Variants in TBC1D9 observed in about 807,000 individuals in gnomAD.
TBC1D9 encodes the protein TBC1 domain family member 9.
In TBC1D9, 63 loss-of-function variants were observed where a neutral mutation model predicts 132.0. The ratio of observed to expected loss-of-function variants is 0.48; its 90% CI spans 0.39 to 0.59. TBC1D9 has a LOEUF of 0.59. TBC1D9 is among the 20% of genes least tolerant of loss of function. TBC1D9 has a pLI of 0.00. For missense variants in TBC1D9, 1,261 were observed against 1,592.7 expected, an observed-to-expected ratio of 0.79 and a Z score of 3.54; for synonymous variants, 610 against 609.9, an observed-to-expected ratio of 1.00 and a Z score of 0.00.
intron 13 of TBC1D9, among the ~76,000 whole-genome samples, chr4:140,655,841 A>T (rs1737259074): frequency 6.6e-6 from 1 of 152,146 alleles, no homozygotes; most frequent in Non-Finnish European, 1.5e-5. Flanking sequence ...AGTGTCTCAG[A>T]CTATCTACTT....
rs180890250 is a variant in TBC1D9 at position 140,634,749 on chromosome 4, A to G, written c.2506-561T>C. On this transcript the variant is annotated intron_variant, in intron 15 of 20. Coordinates refer to ENST00000442267, the MANE Select transcript of TBC1D9 (RefSeq NM_015130.3). The stretch of plus-strand genomic sequence containing the variant: ...TACATAACCCCCTGCTTCCCTGCTC[A>G]CCAAAATCACATAAATAAGATCACA... Among the ~76,000 whole-genome samples the G allele has an allele frequency of 4.2e-3, 635 of 152,292 alleles. 3 individuals are homozygous for G. The highest frequency in any genetic ancestry group is 0.015 in the African/African-American group (616 of 41,548).
intron 1 of TBC1D9, among the ~76,000 whole-genome samples, chr4:140,732,692 G>GA (rs1738613075): frequency 1.3e-5 from 2 of 152,112 alleles, no homozygotes; most frequent in African/African-American, 2.4e-5. Flanking sequence ...ACAGCTGTCT[G>GA]TACCAAGGAA....
At chr4:140,624,054 T>G in intron 20 of TBC1D9, 62 bp downstream of exon 20, 1 of 1,331,224 alleles carries the variant, frequency 7.5e-7, no homozygotes, top group Admixed American at 2.1e-5. Context: ...TCGATGACTT[T>G]TCAGTCATAG....
intron 13 of TBC1D9, chr4:140,643,744 A>G (rs2110982425): frequency 8.7e-7 from 1 of 1,147,858 alleles, no homozygotes; most frequent in Non-Finnish European, 1.2e-6. Flanking sequence ...GAATCCACGC[A>G]TGCTTCAGGC....
At position 140,633,982 on chromosome 4, in the gene TBC1D9, A is replaced by G. The variant is rs987670240; in HGVS notation, c.2712T>C (p.Ser904=). 2 of 1,614,038 alleles carry G rather than the reference A, an allele frequency of 1.2e-6. No homozygotes were observed. ...LFQLLDENGD[S]LINFREFVSG... ...AGACAAACTCCCGGAAGTTAATCAA[A>G]GAGTCTCCATTTTCATCTAATAACT... Residue 904 remains serine, a synonymous_variant, in exon 16 of 21, where the codon TCT becomes TCC. Coordinates refer to ENST00000442267, the MANE Select transcript of TBC1D9 (RefSeq NM_015130.3).
chr4:140,685,592 T>C (rs1034134077), intron 3 of TBC1D9, among the ~76,000 whole-genome samples: 2 of 152,208 alleles, frequency 1.3e-5, no homozygotes, highest in African/African-American at 4.8e-5. Flanking sequence ...TTACCTGTAC[T>C]GGAGTGGGGG....
chr4:140,721,571 CA>C (rs964308825), intron 1 of TBC1D9, among the ~76,000 whole-genome samples: 33 of 152,288 alleles, frequency 2.2e-4, no homozygotes, highest in African/African-American at 7.9e-4. Flanking sequence ...CACACAAATA[CA>C]AAGAGGAATA....
chr4:140,652,216 G>C (rs1270303758), intron 13 of TBC1D9, among the ~76,000 whole-genome samples: 1 of 151,462 alleles, frequency 6.6e-6, no homozygotes, highest in African/African-American at 2.4e-5. Context: ...ACTCCAGCCT[G>C]GGTGACAGAG....
chr4:140,712,932 C>G lies in TBC1D9; in HGVS notation c.131-11318G>C, dbSNP rs149170585. Among the ~76,000 whole-genome samples, 644 of 152,038 alleles carry G rather than the reference C, an allele frequency of 4.2e-3. 3 individuals are homozygous for G. The highest frequency in any genetic ancestry group is 0.015 in the African/African-American group (605 of 41,474). On this transcript the variant is annotated intron_variant, in intron 1 of 20. Coordinates refer to ENST00000442267, the MANE Select transcript of TBC1D9 (RefSeq NM_015130.3). The stretch of plus-strand genomic sequence containing the variant: ...GGAAGAAAGTTTTTATTTCTGCAAC[C>G]GGTTACAGGGAGAAGGCCTGGAAAT...
At chr4:140,731,424 G>A (rs960347619) in intron 1 of TBC1D9, among the ~76,000 whole-genome samples, 3 of 152,134 alleles carry the variant, frequency 2.0e-5, no homozygotes, top group African/African-American at 7.2e-5. Flanking sequence ...GGGTGAGGTG[G>A]CTCACACGTG....
At chr4:140,680,625 A>G (rs774199874) in intron 3 of TBC1D9, among the ~76,000 whole-genome samples, 16 of 152,090 alleles carry the variant, frequency 1.1e-4, no homozygotes, top group Non-Finnish European at 2.1e-4. Context: ...ATTTTCTCTG[A>G]TCTCAAGGTA....
intron 1 of TBC1D9, among the ~76,000 whole-genome samples, chr4:140,754,564 G>A (rs1212330264): frequency 3.2e-5 from 4 of 124,264 alleles, no homozygotes; most frequent in African/African-American, 1.2e-4. Context: ...GCAGTGAGCC[G>A]AGATCACGCC....
At chr4:140,673,368 T>C (rs1483674126) in intron 6 of TBC1D9, among the ~76,000 whole-genome samples, 1 of 152,140 alleles carries the variant, frequency 6.6e-6, no homozygotes, top group African/African-American at 2.4e-5. Flanking sequence ...TCTTGGTCTA[T>C]ACAATCTTAA....
Position 140,669,705 on chromosome 4 carries a change from C to A in TBC1D9, c.1366G>T (p.Val456Phe). The A allele has an allele frequency of 6.2e-7, 1 of 1,613,936 alleles. No individual in the cohort carries two copies. Among genetic ancestry groups the A allele is most frequent in the Non-Finnish European group, 8.5e-7 (1 of 1,179,890 alleles). The stretch of plus-strand genomic sequence containing the variant: ...ATCAGGGTCTGTGTGGCTGTGGGGA[C>A]GCTGTTGCCATTTAGGTTAAACTGG... ...ERQFNLNGNS[V>F]PTATQTLMTM... The change falls in exon 8 of 21, where the codon GTC (valine) becomes TTC (phenylalanine). Residue 456 changes from valine to phenylalanine, a missense_variant. Physicochemically the swap from Val to Phe is conservative, Grantham distance 50. This residue lies in a region of TBC1D9 where 550 missense variants were observed against 699.0 expected (regional missense o/e 0.79). Coordinates refer to ENST00000442267, the MANE Select transcript of TBC1D9 (RefSeq NM_015130.3).
chr4:140,622,830 CT>C lies in TBC1D9; in HGVS notation c.3165del (p.Val1056Ter). On this transcript the variant is annotated frameshift_variant, in exon 21 of 21. Coordinates refer to ENST00000442267, the MANE Select transcript of TBC1D9 (RefSeq NM_015130.3). LOFTEE classifies it high-confidence loss of function. ...CCAATCTCCAGCAGGAGGCTGGTCA[CT>C]GCTGCCGTGGCGTGGTACAGCTCCT... ...NEQELYHATA[A>X]VTSLLLEIGE... 6.3e-7 allele frequency: 1 copy of C among 1,599,240 alleles called. No individual in the cohort carries two copies. The highest frequency in any genetic ancestry group is 8.5e-7 in the Non-Finnish European group (1 of 1,176,100).
chr4:140,732,798 T>G (rs866351740), intron 1 of TBC1D9, among the ~76,000 whole-genome samples: 8 of 152,176 alleles, frequency 5.3e-5, no homozygotes, highest in African/African-American at 1.9e-4. Flanking sequence ...CAGTAACACT[T>G]TGGGGCAAAT....
In TBC1D9 at chr4:140,752,201, T is replaced by C. The variant is rs1388626564; in HGVS notation, c.130+3715A>G. On this transcript the variant is annotated intron_variant, in intron 1 of 20. Transcript: ENST00000442267. The stretch of plus-strand genomic sequence containing the variant: ...ACAATACAGTTGATAAAGAGATGAA[T>C]AAATTGTGGTATACTCATATCATAG... Among the ~76,000 whole-genome samples, 4 of 152,042 alleles carry C rather than the reference T, an allele frequency of 2.6e-5. No individual in the cohort carries two copies. The East Asian group carries it at 5.8e-4, about 22-fold the overall frequency.
At chr4:140,656,937 G>A (rs1250620800) in intron 13 of TBC1D9, among the ~76,000 whole-genome samples, 160 bp downstream of exon 13, 1 of 152,220 alleles carries the variant, frequency 6.6e-6, no homozygotes. Flanking sequence ...GACCTAACCT[G>A]CCAATGCCTT....
intron 13 of TBC1D9, among the ~76,000 whole-genome samples, chr4:140,653,158 T>C (rs940364153): frequency 6.6e-6 from 1 of 151,992 alleles, no homozygotes; most frequent in Non-Finnish European, 1.5e-5. Flanking sequence ...GGGGAACTTA[T>C]AATGAGTGAG....
Sources: gnomAD v4.1 joint callset for allele counts (sites outside exome capture counted in the v4.1 genomes callset) on GRCh38, gnomAD v4.1.1 for gene constraint, gnomAD v4.1.1 regional missense constraint, MANE v1.5 for transcripts, NCBI Gene and HGNC (gene_info 2026-07-23, HGNC 2026-07-21) for gene names.